Variants in SLC24A2 observed in about 807,000 individuals in gnomAD.
SLC24A2 encodes sodium/potassium/calcium exchanger 2.
Under a neutral mutation model 62.0 loss-of-function variants are expected in SLC24A2, and 36 were observed. The observed-to-expected ratio is 0.58, with a 90% confidence interval of 0.44 to 0.77. The LOEUF is 0.77. SLC24A2 is among the 30% of genes least tolerant of loss of function. SLC24A2 has a pLI of 0.00. For synonymous variants in SLC24A2, 358 were observed against 294.0 expected (o/e 1.22, Z -2.23); for missense variants, 846 against 817.9 (o/e 1.03, Z -0.42).
At chr9:19,569,243 T>C (rs1835767507) in intron 7 of SLC24A2, among the ~76,000 whole-genome samples, 1 of 152,200 alleles carries the variant, frequency 6.6e-6, no homozygotes, top group Non-Finnish European at 1.5e-5. Flanking sequence ...CCCATTCTTG[T>C]CTCATGGGTC....
intron 2 of SLC24A2, among the ~76,000 whole-genome samples, chr9:19,785,428 A>G (rs539341041): frequency 3.9e-5 from 6 of 152,342 alleles, no homozygotes; most frequent in Non-Finnish European, 7.3e-5. Context: ...AGCCATGACA[A>G]CAATAATGAC....
the SLC24A2 span, among the ~76,000 whole-genome samples, chr9:19,939,959 T>C: frequency 1.3e-5 from 2 of 152,182 alleles, no homozygotes; most frequent in South Asian, 2.1e-4. Flanking sequence ...TGCTTCCAAG[T>C]TTTTCTCCAC....
Position 19,786,715 on chromosome 9 carries a change from G to C in SLC24A2, c.152C>G (p.Thr51Ser), listed in dbSNP as rs1159804812. ...AAAGGCACTGATTGAAAATGAGACA[G>C]TGCTAATGGCTACCAGACCCATGAA... The part of the protein sequence containing the change: ...GLFMGLVAIS[T>S]VSFSISAFSE... Residue 51 changes from threonine to serine, a missense_variant, in exon 2 of 11, where the codon ACT becomes AGT. By Grantham distance (58) the Thr-to-Ser change is moderately conservative. Coordinates refer to ENST00000341998, the MANE Select transcript of SLC24A2 (RefSeq NM_020344.4). This position sits in a 1 kb window ranked among gnomAD's most constrained non-coding sequence, Gnocchi z 5.0. The C allele has an allele frequency of 1.2e-5, 19 of 1,610,018 alleles. No homozygotes were observed. Among genetic ancestry groups the C allele is most frequent in the Non-Finnish European group, 1.4e-5 (16 of 1,177,488 alleles).
chr9:20,091,750 A>G, the SLC24A2 span, among the ~76,000 whole-genome samples: 5 of 152,210 alleles, frequency 3.3e-5, no homozygotes, highest in Non-Finnish European at 5.9e-5. Context: ...TAGCCAATAC[A>G]AAAACACATG....
chr9:20,000,560 C>T, the SLC24A2 span, among the ~76,000 whole-genome samples: 1 of 152,272 alleles, frequency 6.6e-6, no homozygotes, highest in African/African-American at 2.4e-5. Context: ...GAATAGACCA[C>T]CTGGCAACAA....
chr9:20,058,205 C>G, the SLC24A2 span, among the ~76,000 whole-genome samples: 2 of 152,012 alleles, frequency 1.3e-5, no homozygotes, highest in African/African-American at 2.4e-5. Flanking sequence ...CTGTGGAGTA[C>G]AAAAACATAA....
chr9:19,784,161 G>A (rs897179511), intron 2 of SLC24A2, among the ~76,000 whole-genome samples: 2 of 152,064 alleles, frequency 1.3e-5, no homozygotes, highest in Non-Finnish European at 2.9e-5. Flanking sequence ...TCATTCCAGG[G>A]CTACTTTAAT....
the SLC24A2 span, among the ~76,000 whole-genome samples, chr9:19,840,285 A>T: frequency 6.6e-6 from 1 of 152,210 alleles, no homozygotes; most frequent in Non-Finnish European, 1.5e-5. Context: ...TACGATCCTT[A>T]TAACTGCGAC....
At chr9:20,254,562 A>G in the SLC24A2 span, among the ~76,000 whole-genome samples, 2 of 152,178 alleles carry the variant, frequency 1.3e-5, no homozygotes, top group South Asian at 4.1e-4. Context: ...TTGTACCTCT[A>G]TTAATCTGCT....
Position 19,632,234 on chromosome 9 carries a change from T to G in SLC24A2, c.931-9935A>C, listed in dbSNP as rs76115167. Among the ~76,000 whole-genome samples, 21 of 152,302 alleles carry G rather than the reference T, an allele frequency of 1.4e-4. No homozygotes were observed. The highest frequency in any genetic ancestry group is 4.8e-4 in the African/African-American group (20 of 41,560). ...CCCCATCTGCCATCCTTTGCTGTCA[T>G]AGGGAGTCCAGGCAAATTGTCATTT... On this transcript the variant is annotated intron_variant, in intron 2 of 10. Coordinates refer to ENST00000341998, the MANE Select transcript of SLC24A2 (RefSeq NM_020344.4). This position sits in a 1 kb window ranked among gnomAD's most constrained non-coding sequence, Gnocchi z 4.5.
chr9:19,531,072 T>C (rs566906051), intron 8 of SLC24A2, among the ~76,000 whole-genome samples: 2 of 152,294 alleles, frequency 1.3e-5, no homozygotes, highest in Admixed American at 6.5e-5. Context: ...ATCAGGGAAG[T>C]AGAAACTAGC....
chr9:19,709,512 C>A, intron 2 of SLC24A2, among the ~76,000 whole-genome samples: 1 of 152,034 alleles, frequency 6.6e-6, no homozygotes, highest in East Asian at 1.9e-4. Context: ...ACCCAAATGT[C>A]CAACAACGAT....
chr9:19,581,165 A>G (rs1228980891), intron 5 of SLC24A2, among the ~76,000 whole-genome samples: 3 of 152,174 alleles, frequency 2.0e-5, no homozygotes, highest in African/African-American at 7.2e-5. Context: ...CAGGAGTTTA[A>G]GCATACAGGG....
At chr9:19,715,481 T>C (rs915664014) in intron 2 of SLC24A2, among the ~76,000 whole-genome samples, 1 of 152,210 alleles carries the variant, frequency 6.6e-6, no homozygotes, top group Admixed American at 6.5e-5. Flanking sequence ...TCCACATCCA[T>C]CTGTGTATTA....
chr9:19,645,757 G>A (rs1818623029), intron 2 of SLC24A2, among the ~76,000 whole-genome samples: 1 of 152,164 alleles, frequency 6.6e-6, no homozygotes, highest in South Asian at 2.1e-4. Flanking sequence ...CAAGAAAGAA[G>A]ACTTTGCACT....
chr9:20,105,004 T>C, the SLC24A2 span, among the ~76,000 whole-genome samples: 3 of 152,088 alleles, frequency 2.0e-5, no homozygotes, highest in East Asian at 3.9e-4. Flanking sequence ...CGGAGGAAGA[T>C]CTACCAAGCA....
intron 5 of SLC24A2, among the ~76,000 whole-genome samples, chr9:19,585,180 C>T (rs1175139534): frequency 2.6e-5 from 4 of 152,138 alleles, no homozygotes; most frequent in Admixed American, 6.5e-5. Context: ...TTCCTCTACA[C>T]TCATTAATTG....
At chr9:20,021,543 C>G in the SLC24A2 span, among the ~76,000 whole-genome samples, 2 of 151,790 alleles carry the variant, frequency 1.3e-5, no homozygotes, top group Non-Finnish European at 2.9e-5. Context: ...TGGGAAAAAG[C>G]CCATTAGGTC....
At chr9:19,852,670 T>C in the SLC24A2 span, among the ~76,000 whole-genome samples, 1 of 152,138 alleles carries the variant, frequency 6.6e-6, no homozygotes, top group Non-Finnish European at 1.5e-5. Flanking sequence ...TTCTGTTCCA[T>C]TGGTCTATGT....
Sources: gnomAD v4.1 joint callset for allele counts (sites outside exome capture counted in the v4.1 genomes callset) on GRCh38, gnomAD v4.1.1 for gene constraint, Gnocchi (gnomAD v3.1) non-coding constraint, MANE v1.5 for transcripts, NCBI Gene and HGNC (gene_info 2026-07-23, HGNC 2026-07-21) for gene names.